The following CDC42BPA variants were observed in gnomAD, a reference collection of about 807,000 sequenced individuals.
CDC42BPA encodes the protein CDC42 binding protein kinase alpha, also known as serine/threonine-protein kinase MRCK alpha.
CDC42BPA carries 80 observed loss-of-function variants against 223.5 expected under a neutral mutation model. That is an observed-to-expected ratio of 0.36 (90% confidence interval 0.30 to 0.43). The LOEUF (loss-of-function observed/expected upper bound fraction) is 0.43. CDC42BPA is among the 20% of genes least tolerant of loss of function. CDC42BPA has a pLI of 1.00. For missense variants in CDC42BPA, 1,743 were observed against 2,099.9 expected, an observed-to-expected ratio of 0.83 and a Z score of 3.32; for synonymous variants, 694 against 718.6, an observed-to-expected ratio of 0.97 and a Z score of 0.55.
rs1660745624 is a variant in CDC42BPA, at chr1:226,991,584, T to C, written c.*2684A>G. ...TTCGGGACTGCTCTATTATGACTGA[T>C]GAGATTACTTGCCATTGCAGTGGAA... On this transcript the variant is annotated 3_prime_UTR_variant, in exon 37 of 37. Coordinates refer to ENST00000366766, the MANE Select transcript of CDC42BPA (RefSeq NM_001394014.1). The C allele has an allele frequency of 6.6e-6, 1 of 152,150 alleles. No homozygotes were observed. The highest frequency in any genetic ancestry group is 1.5e-5 in the Non-Finnish European group (1 of 68,030). The allele number at this position is 152,150 out of a possible 1,614,324, so 9.4% of individuals were successfully genotyped here. A position where few individuals can be genotyped will look rare whatever the true frequency, so the allele number is the denominator to read the frequency against.
chr1:227,170,317 C>A (rs1665871328), intron 5 of CDC42BPA, among the ~76,000 whole-genome samples: 1 of 152,098 alleles, frequency 6.6e-6, no homozygotes, highest in African/African-American at 2.4e-5. Context: ...TGATGGGCAG[C>A]ACCAATTGGC....
chr1:227,304,544 G>A (rs986692468), intron 1 of CDC42BPA, among the ~76,000 whole-genome samples: 1 of 152,070 alleles, frequency 6.6e-6, no homozygotes, highest in South Asian at 2.1e-4. Context: ...ACAAGTCCCT[G>A]GCATTAAAAA....
intron 21 of CDC42BPA, among the ~76,000 whole-genome samples, chr1:227,056,886 T>C (rs1262210654): frequency 4.6e-5 from 7 of 152,180 alleles, no homozygotes; most frequent in African/African-American, 1.2e-4. Flanking sequence ...AAACAGTAAA[T>C]ACATTTTATT....
chr1:227,271,981 T>C (rs1328291444), intron 1 of CDC42BPA, among the ~76,000 whole-genome samples: 1 of 152,188 alleles, frequency 6.6e-6, no homozygotes, highest in African/African-American at 2.4e-5. Flanking sequence ...ACTAAGTAAA[T>C]GTATTTCTAT....
chr1:227,220,900 T>C (rs1675785854), intron 2 of CDC42BPA, among the ~76,000 whole-genome samples: 1 of 152,184 alleles, frequency 6.6e-6, no homozygotes, highest in African/African-American at 2.4e-5. Context: ...ACCCCCATTT[T>C]ACCTTTTCCT....
chr1:227,023,098 T>C (rs1667678010), intron 32 of CDC42BPA, among the ~76,000 whole-genome samples, 165 bp downstream of exon 32: 1 of 152,236 alleles, frequency 6.6e-6, no homozygotes, highest in African/African-American at 2.4e-5. Flanking sequence ...TAATTTATTC[T>C]AATATATTAA....
At chr1:227,253,833 A>G (rs1222152906) in intron 2 of CDC42BPA, among the ~76,000 whole-genome samples, 1 of 152,188 alleles carries the variant, frequency 6.6e-6, no homozygotes, top group African/African-American at 2.4e-5. Flanking sequence ...CATATGAAGT[A>G]CATGTGAAAA....
chr1:227,052,126 G>A (rs990580714), intron 21 of CDC42BPA, 141 bp from the exon 22 acceptor site: 6 of 417,804 alleles, frequency 1.4e-5, no homozygotes, highest in South Asian at 3.7e-5. Flanking sequence ...GAATATTCAC[G>A]TTAGGGATAC....
At chr1:227,088,825 A>C (rs1682496244) in intron 16 of CDC42BPA, among the ~76,000 whole-genome samples, 4 of 152,154 alleles carry the variant, frequency 2.6e-5, no homozygotes, top group Admixed American at 6.6e-5. Context: ...TCCTGGGTTC[A>C]AGTGATTCTC....
intron 35 of CDC42BPA, chr1:227,004,772 T>C: frequency 1.6e-6 from 1 of 620,164 alleles, no homozygotes; most frequent in East Asian, 2.8e-5. Flanking sequence ...TATTTGTCTG[T>C]CTCCCAGATG....
chr1:227,140,118 C>G (rs1659413499), intron 9 of CDC42BPA, among the ~76,000 whole-genome samples: 1 of 152,156 alleles, frequency 6.6e-6, no homozygotes, highest in South Asian at 2.1e-4. Context: ...CCACGGCCCT[C>G]TTTACTAGAA....
chr1:227,297,967 TACACACACACACAC>T (rs1553440423), intron 1 of CDC42BPA, among the ~76,000 whole-genome samples: 15 of 132,000 alleles, frequency 1.1e-4, no homozygotes, highest in African/African-American at 4.1e-4. Context: ...TATATACATA[TACACACACACACAC>T]ATATATACAT....
intron 21 of CDC42BPA, among the ~76,000 whole-genome samples, chr1:227,066,042 C>T (rs1045254869): frequency 5.3e-5 from 8 of 152,142 alleles, no homozygotes; most frequent in Admixed American, 6.6e-5. Flanking sequence ...AAGCATCAAG[C>T]ACAATATAAC....
chr1:227,208,533 T>C (rs2150324271), intron 3 of CDC42BPA, among the ~76,000 whole-genome samples: 1 of 149,410 alleles, frequency 6.7e-6, no homozygotes, highest in East Asian at 2.0e-4. Flanking sequence ...GATTTTTGTA[T>C]AAGGTGTAAG....
At chr1:227,281,979 C>T (rs1405714522) in intron 1 of CDC42BPA, among the ~76,000 whole-genome samples, 6 of 151,892 alleles carry the variant, frequency 4.0e-5, no homozygotes, top group Non-Finnish European at 5.9e-5. Context: ...CACTTGAGGT[C>T]GGGAGTTCGC....
intron 31 of CDC42BPA, among the ~76,000 whole-genome samples, chr1:227,024,904 G>A (rs564865224): frequency 1.3e-5 from 2 of 152,278 alleles, no homozygotes; most frequent in African/African-American, 2.4e-5. Context: ...TTTCACAAAG[G>A]CCATATATCT....
At chr1:227,203,529 A>T (rs1339661098) in intron 3 of CDC42BPA, among the ~76,000 whole-genome samples, 1 of 152,188 alleles carries the variant, frequency 6.6e-6, no homozygotes, top group Non-Finnish European at 1.5e-5. Context: ...ACATGCTTAA[A>T]GGCTTTAGTA....
chr1:227,205,474 T>C (rs543295009), intron 3 of CDC42BPA, among the ~76,000 whole-genome samples: 1 of 151,890 alleles, frequency 6.6e-6, no homozygotes, highest in South Asian at 2.1e-4. Flanking sequence ...AAATTTTCTG[T>C]TGAGGATAAA....
At chr1:227,168,504 T>TTTTTTG (rs1665514853) in intron 5 of CDC42BPA, among the ~76,000 whole-genome samples, 1 of 90,902 alleles carries the variant, frequency 1.1e-5, no homozygotes, top group African/African-American at 4.2e-5. Context: ...GGTGTTTTTT[T>TTTTTTG]TTTTTTTTTG....
Sources: allele counts gnomAD v4.1 joint callset (sites outside exome capture counted in the v4.1 genomes callset), GRCh38; gene constraint gnomAD v4.1.1; transcripts MANE v1.5; gene names NCBI Gene and HGNC (gene_info 2026-07-23, HGNC 2026-07-21).